The following MAPK8 variants were observed in gnomAD, a reference collection of about 807,000 sequenced individuals.
MAPK8 encodes mitogen-activated protein kinase 8.
In MAPK8, 13 loss-of-function variants were observed where a neutral mutation model predicts 52.9. That is an observed-to-expected ratio of 0.25 (90% CI 0.16 to 0.39). The LOEUF is 0.39. Among genes scored for constraint, MAPK8 ranks in the 10% least tolerant of loss-of-function variants. The probability of loss-of-function intolerance (pLI) is 1.00; values close to 1 mark genes in which losing one functional copy is unlikely to be tolerated. For synonymous variants in MAPK8, 191 were observed against 169.8 expected (o/e 1.12, Z -0.97); for missense variants, 300 against 519.2 (o/e 0.58, Z 4.10).
chr10:48,319,050 G>A (rs2082395198), intron 1 of MAPK8, among the ~76,000 whole-genome samples: 1 of 152,212 alleles, frequency 6.6e-6, no homozygotes, highest in Admixed American at 6.5e-5. Context: ...TCCTGATACA[G>A]GAGATGGTGG....
chr10:48,307,289 A>AT (rs1841468367), intron 1 of MAPK8: 1 of 152,200 alleles, frequency 6.6e-6, no homozygotes, highest in African/African-American at 2.4e-5. Flanking sequence ...CCCCGCGCCC[A>AT]TAGGGACCGT....
At chr10:48,317,623 A>G (rs1282231921) in intron 1 of MAPK8, among the ~76,000 whole-genome samples, 1 of 152,234 alleles carries the variant, frequency 6.6e-6, no homozygotes, top group African/African-American at 2.4e-5. Flanking sequence ...GCATTGCTGT[A>G]TGTAGGAAAG....
At chr10:48,380,076 T>C (rs928848025) in intron 1 of MAPK8, among the ~76,000 whole-genome samples, 8 of 151,980 alleles carry the variant, frequency 5.3e-5, no homozygotes, top group Admixed American at 5.2e-4. Flanking sequence ...ACACCGTCTT[T>C]AATAAAAATA....
chr10:48,364,860 T>G (rs1847888411), intron 1 of MAPK8, among the ~76,000 whole-genome samples: 1 of 152,300 alleles, frequency 6.6e-6, no homozygotes, highest in East Asian at 1.9e-4. Context: ...CAAATATTCT[T>G]GCCAAGCTAG....
At chr10:48,407,467 T>G (rs2042534952) in intron 3 of MAPK8, among the ~76,000 whole-genome samples, 1 of 152,254 alleles carries the variant, frequency 6.6e-6, no homozygotes, top group African/African-American at 2.4e-5. Flanking sequence ...TAATTGTTAC[T>G]TCTTTTGAAG....
At chr10:48,324,597 G>C (rs1843315914) in intron 1 of MAPK8, among the ~76,000 whole-genome samples, 1 of 146,068 alleles carries the variant, frequency 6.8e-6, no homozygotes, top group Non-Finnish European at 1.5e-5. Flanking sequence ...GGATTTGTCT[G>C]ATTTTCTTGT....
At chr10:48,397,782 G>C (rs543266645) in intron 1 of MAPK8, among the ~76,000 whole-genome samples, 1 of 152,140 alleles carries the variant, frequency 6.6e-6, no homozygotes, top group African/African-American at 2.4e-5. Context: ...GTACAGACAG[G>C]GTTTCACCGT....
chr10:48,375,069 C>A (rs540086901), intron 1 of MAPK8, among the ~76,000 whole-genome samples: 1 of 152,102 alleles, frequency 6.6e-6, no homozygotes, highest in African/African-American at 2.4e-5. Flanking sequence ...CCCTGGGATG[C>A]GAGGCTGGTT....
At chr10:48,371,836 GATTA>G (rs949145456) in intron 1 of MAPK8, among the ~76,000 whole-genome samples, 2 of 152,052 alleles carry the variant, frequency 1.3e-5, no homozygotes, top group Non-Finnish European at 2.9e-5. Flanking sequence ...CCTTGGGTTC[GATTA>G]ATTTTCTAGA....
At chr10:48,327,316 G>T (rs528919579) in intron 1 of MAPK8, among the ~76,000 whole-genome samples, 2 of 152,036 alleles carry the variant, frequency 1.3e-5, no homozygotes. Flanking sequence ...TTTGTCAGAC[G>T]CTTTGTCTGC....
intron 1 of MAPK8, among the ~76,000 whole-genome samples, chr10:48,363,280 G>A (rs1847724390): frequency 6.6e-6 from 1 of 152,214 alleles, no homozygotes; most frequent in Non-Finnish European, 1.5e-5. Context: ...TCCCCTGGCA[G>A]AAAGGTAACC....
Position 48,348,381 on chromosome 10 carries a change from C to G in MAPK8, c.-50+41560C>G, listed in dbSNP as rs571610149. Among the ~76,000 whole-genome samples the G allele has an allele frequency of 2.0e-5, 3 of 152,228 alleles. No individual in the cohort carries two copies. The South Asian group carries it at 6.2e-4, about 32-fold the overall frequency. The stretch of plus-strand genomic sequence containing the variant: ...TAGTTTCTTTTGCTTTGCAGAAGCT[C>G]TTTAGTTTAATTAGATCCCATTTGT... On this transcript the variant is annotated intron_variant, in intron 1 of 11. Coordinates refer to ENST00000374189, the MANE Select transcript of MAPK8 (RefSeq NM_001323329.2).
chr10:48,312,462 A>G (rs1020756581), intron 1 of MAPK8, among the ~76,000 whole-genome samples: 2 of 152,096 alleles, frequency 1.3e-5, no homozygotes, highest in Admixed American at 1.3e-4. Flanking sequence ...GTGCTGAGAG[A>G]CTCAAGCCTG....
rs756500218 is a variant in MAPK8, at chr10:48,439,093, A to G, written c.*4064A>G. 3 of 152,032 alleles carry G rather than the reference A, an allele frequency of 2.0e-5. No homozygotes were observed. The highest frequency in any genetic ancestry group is 6.6e-5 in the Admixed American group (1 of 15,260). 9.4% of individuals were successfully genotyped at this position (152,032 alleles called of 1,614,324 possible). ...GGGTGTCACACCTGGAAACCTGAGT[A>G]TGATAGCTGACATTTGCTTTTCTCC... On this transcript the variant is annotated 3_prime_UTR_variant, in exon 12 of 12. Transcript: ENST00000374189.
intron 1 of MAPK8, among the ~76,000 whole-genome samples, chr10:48,387,955 A>C (rs972877126): frequency 3.9e-5 from 6 of 152,160 alleles, no homozygotes; most frequent in African/African-American, 1.4e-4. Flanking sequence ...AAGTTCCTCA[A>C]CTCATAAAAG....
intron 1 of MAPK8, among the ~76,000 whole-genome samples, chr10:48,387,381 T>C (rs1171471011): frequency 6.6e-6 from 1 of 152,124 alleles, no homozygotes; most frequent in Non-Finnish European, 1.5e-5. Context: ...AACTGTAACC[T>C]CTTCTTTATA....
intron 1 of MAPK8, among the ~76,000 whole-genome samples, chr10:48,397,360 T>TGACCA (rs2041940749): frequency 6.6e-6 from 1 of 152,014 alleles, no homozygotes; most frequent in African/African-American, 2.4e-5. Context: ...CTCTCTATGT[T>TGACCA]GCCTAGGCTG....
In MAPK8 at chr10:48,404,887, C is replaced by G. The variant is rs2042379221; in HGVS notation, c.158C>G (p.Ala53Gly). ...GATGCCATTCTTGAAAGAAATGTTG[C>G]AATCAAGAAGCTAAGCCGACCATTT... ...AYDAILERNV[A>G]IKKLSRPFQN... is the part of the protein sequence containing the mutation. Residue 53 changes from alanine to glycine, a missense_variant, in exon 3 of 12, where the codon GCA (alanine) becomes GGA (glycine). This residue lies in a region of MAPK8 where 147 missense variants were observed against 328.1 expected (regional missense o/e 0.45). Coordinates refer to ENST00000374189, the MANE Select transcript of MAPK8 (RefSeq NM_001323329.2). 1 of 1,608,444 alleles carries G rather than the reference C, an allele frequency of 6.2e-7. No homozygotes were observed. Among genetic ancestry groups the G allele is most frequent in the Non-Finnish European group, 8.5e-7 (1 of 1,176,692 alleles).
chr10:48,335,184 G>A (rs1464815276), intron 1 of MAPK8, among the ~76,000 whole-genome samples: 2 of 151,998 alleles, frequency 1.3e-5, no homozygotes, highest in Non-Finnish European at 2.9e-5. Flanking sequence ...CTCACACAAT[G>A]GCACTCTTTT....
Sources: gnomAD v4.1 joint callset for allele counts (sites outside exome capture counted in the v4.1 genomes callset) on GRCh38, gnomAD v4.1.1 for gene constraint, gnomAD v4.1.1 regional missense constraint, MANE v1.5 for transcripts, NCBI Gene and HGNC (gene_info 2026-07-23, HGNC 2026-07-21) for gene names.